ITPR2: variants seen among roughly 807,000 people sequenced by gnomAD.
ITPR2 encodes inositol 1,4,5-trisphosphate-gated calcium channel ITPR2.
In ITPR2, 207 loss-of-function variants were observed where a neutral mutation model predicts 317.1. The observed-to-expected ratio is 0.65, with a 90% CI of 0.58 to 0.73. ITPR2 has a LOEUF of 0.73. Ranked by LOEUF, ITPR2 falls within the 30% of genes least tolerant of loss-of-function variation. ITPR2 has a pLI of 0.00. For synonymous variants in ITPR2, 1,156 were observed against 1,149.1 expected (o/e 1.01, Z -0.12); for missense variants, 2,613 against 3,284.0 (o/e 0.80, Z 4.99).
chr12:26,656,690 G>C (rs1304687887), intron 18 of ITPR2, 142 bp from the exon 19 acceptor site: 1 of 810,830 alleles, frequency 1.2e-6, no homozygotes. Flanking sequence ...ACTGTAGTAT[G>C]TTAACCATTA....
At chr12:26,827,949 A>G (rs952777541) in intron 1 of ITPR2, among the ~76,000 whole-genome samples, 1 of 152,252 alleles carries the variant, frequency 6.6e-6, no homozygotes, top group Non-Finnish European at 1.5e-5. Flanking sequence ...GCAATTTGAC[A>G]TGCAAAAATA....
At position 26,695,980 on chromosome 12, in the gene ITPR2, CAAT is replaced by C. The variant is rs1948338342; in HGVS notation, c.952-333_952-331del. On this transcript the variant is annotated intron_variant, in intron 9 of 56. Coordinates refer to ENST00000381340, the MANE Select transcript of ITPR2 (RefSeq NM_002223.4). ...ACCCTCTGCAAAAACTGCCATTTAC[CAAT>C]AACTCAGACACAAATTAAACAAAAA... Among the ~76,000 whole-genome samples the C allele has an allele frequency of 2.0e-5, 3 of 150,244 alleles. 1 individual carries two copies. Among genetic ancestry groups the C allele is most frequent in the African/African-American group, 7.3e-5 (3 of 41,090 alleles).
chr12:26,495,656 T>C (rs2136875340), intron 37 of ITPR2: 1 of 154,034 alleles, frequency 6.5e-6, no homozygotes, highest in East Asian at 1.9e-4. Context: ...AATAAAAGAG[T>C]GTGTTCAATA....
chr12:26,483,789 C>T lies in ITPR2; in HGVS notation c.5921G>A (p.Gly1974Asp). ...GSTTGGLGLL[G>D]LYINEKNVAL... Reference sequence around the variant, plus strand: ...TACATTCTTCTCATTGATGTAGAGACCCAACAGGCCCAGGCCACCGGTTGT... The same window carrying T: ...TACATTCTTCTCATTGATGTAGAGATCCAACAGGCCCAGGCCACCGGTTGT... The change falls in exon 42 of 57, where the codon GGT becomes GAT. Residue 1974 changes from glycine to aspartate, a missense_variant. Around this residue, in one of 9 missense-constraint regions of ITPR2, gnomAD observed 926 missense variants for 1,072.8 expected, o/e 0.86. Transcript: ENST00000381340. 2 of 1,614,084 alleles carry T rather than the reference C, an allele frequency of 1.2e-6. No individual in the cohort carries two copies. The highest frequency in any genetic ancestry group is 1.7e-6 in the Non-Finnish European group (2 of 1,179,956).
At chr12:26,809,658 A>T (rs1376489674) in intron 1 of ITPR2, among the ~76,000 whole-genome samples, 2 of 152,124 alleles carry the variant, frequency 1.3e-5, no homozygotes, top group East Asian at 3.8e-4. Context: ...AATATTTTCA[A>T]CTGGTTTTCA....
intron 26 of ITPR2, among the ~76,000 whole-genome samples, chr12:26,619,489 T>A (rs1280843906): frequency 1.3e-5 from 2 of 152,170 alleles, no homozygotes; most frequent in African/African-American, 4.8e-5. Context: ...GGTGTAGAGT[T>A]TTAACATCTG....
At chr12:26,655,880 A>T (rs775844249) in intron 19 of ITPR2, 28 bp from the exon 20 acceptor site, 1 of 1,583,454 alleles carries the variant, frequency 6.3e-7, no homozygotes, top group Admixed American at 1.8e-5. Flanking sequence ...AGATAACGCA[A>T]GTTAAACTGA....
intron 37 of ITPR2, among the ~76,000 whole-genome samples, chr12:26,513,095 C>T (rs61920273): frequency 6.6e-6 from 1 of 152,096 alleles, no homozygotes; most frequent in Non-Finnish European, 1.5e-5. Context: ...CCCGCCTAGG[C>T]CTCCCAAAGT....
chr12:26,600,754 C>T lies in ITPR2; in HGVS notation c.3679-645G>A, dbSNP rs546518887. 4.6e-5 allele frequency among the ~76,000 whole-genome samples: 7 copies of T among 151,988 alleles called. No homozygotes were observed. The South Asian group carries it at 1.5e-3, about 32-fold the overall frequency. On this transcript the variant is annotated intron_variant, in intron 28 of 56. Transcript: ENST00000381340. ...TCTGCTCCCATCCCCTTTTCTCCTGCTCTGCTCTCACTCTATTTCCTCTCT... is the reference window on the plus strand; with the variant it reads ...TCTGCTCCCATCCCCTTTTCTCCTGTTCTGCTCTCACTCTATTTCCTCTCT...
intron 55 of ITPR2, among the ~76,000 whole-genome samples, chr12:26,382,090 T>C (rs1420468156): frequency 6.6e-6 from 1 of 152,200 alleles, no homozygotes; most frequent in African/African-American, 2.4e-5. Context: ...TCAAAGGCCA[T>C]TATCAGTATG....
chr12:26,351,996 G>A (rs1938496832), intron 55 of ITPR2, among the ~76,000 whole-genome samples: 1 of 152,200 alleles, frequency 6.6e-6, no homozygotes, highest in African/African-American at 2.4e-5. Flanking sequence ...ATTTGGAATA[G>A]GGTATTGAAT....
chr12:26,729,111 C>G (rs1948985625), intron 2 of ITPR2, among the ~76,000 whole-genome samples: 1 of 151,904 alleles, frequency 6.6e-6, no homozygotes, highest in South Asian at 2.1e-4. Context: ...AACAAATTTA[C>G]AAGTAAAAAA....
Position 26,632,028 on chromosome 12 carries a change from C to A in ITPR2, c.2772G>T (p.Val924=). 1 of 1,593,848 alleles carries A rather than the reference C, an allele frequency of 6.3e-7. No homozygotes were observed. Among genetic ancestry groups the A allele is most frequent in the Non-Finnish European group, 8.5e-7 (1 of 1,171,590 alleles). Residue 924 remains valine (V), a synonymous_variant, in exon 22 of 57, where the codon GTG becomes GTT. Transcript: ENST00000381340. ...GTACCATCTGGGTCATCATCTCTCC[C>A]ACCCCATGAATGGTTCTCATCACAT... ...GNNVMRTIHG[V]GEMMTQMVLS...
chr12:26,783,516 A>G (rs1166255277), intron 2 of ITPR2, among the ~76,000 whole-genome samples: 2 of 152,244 alleles, frequency 1.3e-5, no homozygotes, highest in South Asian at 2.1e-4. Context: ...CCTAATAGAA[A>G]TGGCACATAT....
At chr12:26,594,674 T>C (rs770731139) in intron 32 of ITPR2, among the ~76,000 whole-genome samples, 1 of 151,892 alleles carries the variant, frequency 6.6e-6, no homozygotes, top group Non-Finnish European at 1.5e-5. Flanking sequence ...GAACTTCAAG[T>C]CCCATAACTT....
Position 26,722,507 on chromosome 12 carries a change from G to A in ITPR2, c.415C>T (p.Pro139Ser). ...ATGGCATTCTTCTCCAGTAAAGCAG[G>A]TAATCTCTTGTTGACAGTAAGATAT... ...NKYLTVNKRL[P>S]ALLEKNAMRV... Residue 139 changes from proline (P) to serine (S), a missense_variant, in exon 5 of 57, where the codon CCT becomes TCT. Pro to Ser is a moderately conservative substitution (Grantham distance 74). Coordinates refer to ENST00000381340, the MANE Select transcript of ITPR2 (RefSeq NM_002223.4). 1.2e-6 allele frequency: 2 copies of A among 1,613,058 alleles called. No individual in the cohort carries two copies. The highest frequency in any genetic ancestry group is 1.7e-6 in the Non-Finnish European group (2 of 1,179,332).
intron 55 of ITPR2, among the ~76,000 whole-genome samples, chr12:26,366,520 T>C (rs188556756): frequency 8.5e-5 from 13 of 152,340 alleles, no homozygotes; most frequent in African/African-American, 3.1e-4. Flanking sequence ...AAATACAATC[T>C]ACCAAGTTCT....
chr12:26,603,706 C>T (rs547676951), intron 26 of ITPR2, among the ~76,000 whole-genome samples: 16 of 152,246 alleles, frequency 1.1e-4, no homozygotes, highest in African/African-American at 3.1e-4. Flanking sequence ...AGGTCTAGAA[C>T]GATGAAAACT....
chr12:26,359,572 G>A lies in ITPR2; in HGVS notation c.7858-19244C>T, dbSNP rs1215262363. On this transcript the variant is annotated intron_variant, in intron 55 of 56. Transcript: ENST00000381340. Reference sequence around the variant, plus strand: ...TAAGGGTTTCATAAAATGATGTAGAGAAACTAGTGCAATGCTTTTCTCTTG... The same window carrying A: ...TAAGGGTTTCATAAAATGATGTAGAAAAACTAGTGCAATGCTTTTCTCTTG... Among the ~76,000 whole-genome samples, 3 of 151,624 alleles carry A rather than the reference G, an allele frequency of 2.0e-5. No homozygotes were observed. In the East Asian group the frequency reaches 5.8e-4, roughly 30 times the overall value.
Sources: allele counts gnomAD v4.1 joint callset (sites outside exome capture counted in the v4.1 genomes callset), GRCh38; gene constraint gnomAD v4.1.1; regional missense constraint gnomAD v4.1.1; transcripts MANE v1.5; gene names NCBI Gene and HGNC (gene_info 2026-07-23, HGNC 2026-07-21).